GNA14: variants seen among roughly 807,000 people sequenced by gnomAD.
GNA14 encodes G protein subunit alpha 14, also known as guanine nucleotide-binding protein subunit alpha-14.
In GNA14, 50 loss-of-function variants were observed where a neutral mutation model predicts 42.0. That is an observed-to-expected ratio of 1.19 (90% CI 0.95 to 1.51). The LOEUF (loss-of-function observed/expected upper bound fraction) is 1.51. Among genes scored for constraint, GNA14 ranks in the 40% most tolerant of loss-of-function variants. The probability of loss-of-function intolerance (pLI) is 0.00; values close to 1 mark genes in which losing one functional copy is unlikely to be tolerated. For synonymous variants in GNA14, 173 were observed against 163.1 expected (o/e 1.06, Z -0.46); for missense variants, 473 against 446.2 (o/e 1.06, Z -0.54).
At chr9:77,456,420 A>G (rs1836000413) in intron 2 of GNA14, 1 of 152,262 alleles carries the variant, frequency 6.6e-6, no homozygotes, top group Non-Finnish European at 1.5e-5. Context: ...GCTCTTCTAC[A>G]ATGTAAAACA....
intron 1 of GNA14, among the ~76,000 whole-genome samples, chr9:77,632,356 T>C (rs1824111916): frequency 6.6e-6 from 1 of 152,178 alleles, no homozygotes; most frequent in African/African-American, 2.4e-5. Context: ...GCCTGAAGGC[T>C]GTTGGCTGGG....
intron 1 of GNA14, among the ~76,000 whole-genome samples, chr9:77,628,625 C>A (rs1237017530): frequency 1.3e-5 from 2 of 152,132 alleles, no homozygotes; most frequent in Non-Finnish European, 2.9e-5. Flanking sequence ...CCGACAAAAA[C>A]AAGCAATGGG....
intron 1 of GNA14, among the ~76,000 whole-genome samples, chr9:77,645,811 G>A (rs902815900): frequency 2.0e-5 from 3 of 152,102 alleles, no homozygotes; most frequent in Non-Finnish European, 2.9e-5. Flanking sequence ...GGTATATTCT[G>A]GACACTGTAC....
At chr9:77,579,378 T>TC in intron 1 of GNA14, among the ~76,000 whole-genome samples, 1 of 151,908 alleles carries the variant, frequency 6.6e-6, no homozygotes. Flanking sequence ...GTCCTGCCCT[T>TC]CCCCAACAAT....
At chr9:77,609,917 G>A (rs1823703693) in intron 1 of GNA14, among the ~76,000 whole-genome samples, 1 of 152,192 alleles carries the variant, frequency 6.6e-6, no homozygotes, top group Admixed American at 6.5e-5. Context: ...AGATTTTCCA[G>A]AAGGATTGCA....
chr9:77,499,577 A>G (rs991710192), intron 2 of GNA14, among the ~76,000 whole-genome samples: 3 of 152,174 alleles, frequency 2.0e-5, no homozygotes, highest in African/African-American at 7.2e-5. Context: ...ATGGCCGGGC[A>G]CAGTGGCTCA....
chr9:77,609,298 G>A (rs77207558), intron 1 of GNA14, among the ~76,000 whole-genome samples: 3,885 of 152,090 alleles, frequency 0.026, 133 homozygotes, highest in African/African-American at 0.081. Context: ...ATTTCCTTCT[G>A]AGACCTCACC....
chr9:77,613,579 G>A (rs932685303), intron 1 of GNA14, among the ~76,000 whole-genome samples: 1 of 152,192 alleles, frequency 6.6e-6, no homozygotes, highest in African/African-American at 2.4e-5. Flanking sequence ...AGGAAATTTG[G>A]GGAGGGGAAG....
chr9:77,478,740 T>A (rs1447854373), intron 2 of GNA14, among the ~76,000 whole-genome samples: 1 of 152,210 alleles, frequency 6.6e-6, no homozygotes, highest in Admixed American at 6.5e-5. Flanking sequence ...TGAGATGGTA[T>A]CTCATTGTGG....
intron 2 of GNA14, among the ~76,000 whole-genome samples, chr9:77,455,610 T>A: frequency 6.6e-6 from 1 of 152,196 alleles, no homozygotes. Context: ...ATTTTTAAAG[T>A]GTCTACGATA....
At chr9:77,591,560 A>G (rs911651554) in intron 1 of GNA14, among the ~76,000 whole-genome samples, 11 of 152,180 alleles carry the variant, frequency 7.2e-5, no homozygotes, top group Non-Finnish European at 2.9e-5. Context: ...TCAAATGAAG[A>G]TAATTAACAA....
chr9:77,452,549 AGTGTGTGT>A (rs200313599), intron 2 of GNA14, among the ~76,000 whole-genome samples: 2 of 55,214 alleles, frequency 3.6e-5, no homozygotes, highest in African/African-American at 7.9e-5. Flanking sequence ...ACTGCACACA[AGTGTGTGT>A]GTGTGTGTGT....
At chr9:77,610,111 A>T (rs1047651298) in intron 1 of GNA14, among the ~76,000 whole-genome samples, 1 of 152,212 alleles carries the variant, frequency 6.6e-6, no homozygotes. Context: ...CTTTGTTTAC[A>T]GTTTAGTTCC....
At chr9:77,589,010 A>G (rs982477176) in intron 1 of GNA14, among the ~76,000 whole-genome samples, 6 of 152,250 alleles carry the variant, frequency 3.9e-5, no homozygotes, top group Non-Finnish European at 7.3e-5. Flanking sequence ...TGCTTTAGAC[A>G]TTAGCATTCA....
intron 2 of GNA14, among the ~76,000 whole-genome samples, chr9:77,519,266 C>A (rs968534177): frequency 1.3e-5 from 2 of 152,116 alleles, no homozygotes; most frequent in Admixed American, 6.5e-5. Context: ...CAAAAATTAG[C>A]TGGGCGTGGT....
intron 3 of GNA14, chr9:77,431,659 G>T (rs1835557483): frequency 2.1e-6 from 1 of 469,088 alleles, no homozygotes; most frequent in Non-Finnish European, 3.8e-6. Flanking sequence ...GGACTTCCAT[G>T]CGCCTTCTGG....
At chr9:77,487,604 A>ATACT (rs1235628760) in intron 2 of GNA14, among the ~76,000 whole-genome samples, 1 of 152,228 alleles carries the variant, frequency 6.6e-6, no homozygotes, top group East Asian at 1.9e-4. Flanking sequence ...TGTTTTAGTT[A>ATACT]TACTGAAAAC....
At chr9:77,629,319 A>C (rs1212415870) in intron 1 of GNA14, among the ~76,000 whole-genome samples, 2 of 152,202 alleles carry the variant, frequency 1.3e-5, no homozygotes, top group Non-Finnish European at 2.9e-5. Flanking sequence ...AAGACAGTGT[A>C]GCGACTCCTC....
intron 1 of GNA14, among the ~76,000 whole-genome samples, chr9:77,530,357 T>C (rs1399637384): frequency 1.3e-5 from 2 of 152,112 alleles, no homozygotes; most frequent in Non-Finnish European, 2.9e-5. Context: ...TGCTCCCCCT[T>C]TACCTTCCAC....
Sources: gnomAD v4.1 joint callset for allele counts (sites outside exome capture counted in the v4.1 genomes callset) on GRCh38, gnomAD v4.1.1 for gene constraint, MANE v1.5 for transcripts, NCBI Gene and HGNC (gene_info 2026-07-23, HGNC 2026-07-21) for gene names.